MEF2C: variants seen among roughly 807,000 people sequenced by gnomAD.
The protein encoded by MEF2C is myocyte enhancer factor 2C.
In MEF2C, 6 loss-of-function variants were observed where a neutral mutation model predicts 50.5. The ratio of observed to expected loss-of-function variants is 0.12; its 90% CI spans 0.07 to 0.23. The LOEUF (loss-of-function observed/expected upper bound fraction) is 0.23, where lower values mean the gene tolerates loss of function less well. MEF2C is among the 10% of genes least tolerant of loss of function. The pLI, the probability that MEF2C is intolerant of heterozygous loss-of-function variation, is 1.00. For synonymous variants in MEF2C, 183 were observed against 228.0 expected, an observed-to-expected ratio of 0.80 and a Z score of 1.78; for missense variants, 276 against 605.0, an observed-to-expected ratio of 0.46 and a Z score of 5.70.
In MEF2C at chr5:88,731,968, C is replaced by T. The variant is rs938055482; in HGVS notation, c.638-67G>A. 10 of 1,399,866 alleles carry T rather than the reference C, an allele frequency of 7.1e-6. No homozygotes were observed. The Middle Eastern group carries it at 5.4e-4, about 76-fold the overall frequency. 86.7% of individuals were successfully genotyped at this position (1,399,866 alleles called of 1,614,324 possible). On this transcript the variant is annotated intron_variant, in intron 6 of 10. Coordinates refer to ENST00000504921, the MANE Select transcript of MEF2C (RefSeq NM_002397.5). ...GTCAAATACGTTTCCGAAGAATACA[C>T]AACATGAGAATAAAAACAAAAGCTT... is the stretch of plus-strand genomic sequence containing the variant.
At chr5:88,833,176 C>T (rs1038656258) in intron 1 of MEF2C, among the ~76,000 whole-genome samples, 1 of 152,058 alleles carries the variant, frequency 6.6e-6, no homozygotes, top group Non-Finnish European at 1.5e-5. Context: ...AACTGTATCC[C>T]TCTCAAGAGG....
intron 3 of MEF2C, among the ~76,000 whole-genome samples, chr5:88,763,859 C>G (rs148397994): frequency 6.6e-6 from 1 of 152,092 alleles, no homozygotes; most frequent in East Asian, 1.9e-4. Flanking sequence ...ATTATGTTGT[C>G]CAGGCTGCTC....
intron 1 of MEF2C, among the ~76,000 whole-genome samples, chr5:88,851,994 G>T (rs1821531592): frequency 6.6e-6 from 1 of 151,932 alleles, no homozygotes; most frequent in South Asian, 2.1e-4. Context: ...ATTTTTGTTT[G>T]CAACATTTCC....
intron 3 of MEF2C, among the ~76,000 whole-genome samples, chr5:88,795,390 T>G (rs1795594316): frequency 6.6e-6 from 1 of 152,196 alleles, no homozygotes; most frequent in African/African-American, 2.4e-5. Flanking sequence ...CTAGGTATTT[T>G]ATTATCTTTG....
intron 1 of MEF2C, among the ~76,000 whole-genome samples, chr5:88,896,619 TAAAG>T (rs1835145173): frequency 6.6e-6 from 1 of 152,128 alleles, no homozygotes. Flanking sequence ...AATCTTTAAA[TAAAG>T]AGTATCCATA....
intron 1 of MEF2C, among the ~76,000 whole-genome samples, chr5:88,861,166 C>T (rs1231347615): frequency 6.6e-6 from 1 of 152,218 alleles, no homozygotes. Flanking sequence ...TTGCTTCACC[C>T]TAGTGTTCAA....
chr5:88,823,417 G>A (rs577969438), intron 2 of MEF2C, among the ~76,000 whole-genome samples: 1 of 151,902 alleles, frequency 6.6e-6, no homozygotes, highest in South Asian at 2.1e-4. Flanking sequence ...TTGATGATGC[G>A]TGCAATGTAG....
chr5:88,819,160 A>G lies in MEF2C; in HGVS notation c.54+4575T>C, dbSNP rs144448978. Among the ~76,000 whole-genome samples, 109 of 152,028 alleles carry G rather than the reference A, an allele frequency of 7.2e-4. 1 individual carries two copies. The highest frequency in any genetic ancestry group is 3.4e-3 in the Middle Eastern group (1 of 294). On this transcript the variant is annotated intron_variant, in intron 2 of 10. Coordinates refer to ENST00000504921, the MANE Select transcript of MEF2C (RefSeq NM_002397.5). Reference sequence around the variant, plus strand: ...GAACGAAGTTTGTGTGTCTCTAAAAACTATGCCTCTTAGCCATTTGATTAT... The same window carrying G: ...GAACGAAGTTTGTGTGTCTCTAAAAGCTATGCCTCTTAGCCATTTGATTAT...
intron 3 of MEF2C, among the ~76,000 whole-genome samples, chr5:88,770,520 G>A (rs114879616): frequency 3.9e-5 from 6 of 152,124 alleles, no homozygotes; most frequent in Non-Finnish European, 7.4e-5. Flanking sequence ...ATTTCTACAG[G>A]ATTTCCCACG....
intron 1 of MEF2C, among the ~76,000 whole-genome samples, chr5:88,848,353 T>C (rs1820066527): frequency 6.6e-6 from 1 of 152,188 alleles, no homozygotes. Flanking sequence ...TTTCTAGTTA[T>C]GTAACATCTC....
At chr5:88,775,131 A>C (rs1330096599) in intron 3 of MEF2C, among the ~76,000 whole-genome samples, 2 of 152,248 alleles carry the variant, frequency 1.3e-5, no homozygotes, top group African/African-American at 4.8e-5. Context: ...AGCTAGTACC[A>C]GAAAAATAAT....
Position 88,752,156 on chromosome 5 carries a change from G to C in MEF2C, c.403-113C>G, listed in dbSNP as rs1053966750. On this transcript the variant is annotated intron_variant, in intron 4 of 10. Coordinates refer to ENST00000504921, the MANE Select transcript of MEF2C (RefSeq NM_002397.5). ...AAAATTCTACATTCCAAACTACTTT[G>C]TGTCTAGAAGACCATTAAGAAGAGC... is the stretch of plus-strand genomic sequence containing the variant. 9.7e-5 allele frequency: 91 copies of C among 936,924 alleles called. 1 individual carries two copies. The East Asian group carries it at 2.4e-3, about 25-fold the overall frequency. 58.0% of individuals were successfully genotyped at this position (936,924 alleles called of 1,614,324 possible).
intron 6 of MEF2C, chr5:88,743,402 T>C: frequency 1.6e-5 from 16 of 985,306 alleles, no homozygotes; most frequent in Non-Finnish European, 1.7e-5. Flanking sequence ...ATAAGTATTC[T>C]TGAAAACAAA....
At chr5:88,782,722 C>T (rs777924986) in intron 3 of MEF2C, among the ~76,000 whole-genome samples, 6 of 152,134 alleles carry the variant, frequency 3.9e-5, no homozygotes, top group African/African-American at 7.2e-5. Flanking sequence ...ACTTACAAAA[C>T]GTAAAATATT....
At chr5:88,785,279 T>TACACACACACACACAC (rs57929414) in intron 3 of MEF2C, 1 of 143,838 alleles carries the variant, frequency 7.0e-6, no homozygotes, top group Non-Finnish European at 1.5e-5. Context: ...AAAACTGGCA[T>TACACACACACACACAC]ACACACACAC....
chr5:88,739,546 A>G (rs1276076312), intron 6 of MEF2C: 13 of 983,976 alleles, frequency 1.3e-5, no homozygotes, highest in Non-Finnish European at 1.4e-5. Flanking sequence ...ATTACTTTAA[A>G]TTGTGTATCA....
intron 5 of MEF2C, among the ~76,000 whole-genome samples, chr5:88,749,722 T>C (rs1209980195): frequency 2.0e-5 from 3 of 152,210 alleles, no homozygotes; most frequent in African/African-American, 7.2e-5. Flanking sequence ...AATAAGGTAT[T>C]GAACATAAAA....
chr5:88,720,137 C>T lies in MEF2C; in HGVS notation c.*2467G>A, dbSNP rs947726833. ...AAATGTTTGCATATTTTATACACAT[C>T]AAGTTAGAAGGATGGGTTGTAAGGA... On this transcript the variant is annotated 3_prime_UTR_variant, in exon 11 of 11. Transcript: ENST00000504921. The T allele has an allele frequency of 2.0e-5, 3 of 152,020 alleles. No individual in the cohort carries two copies. The highest frequency in any genetic ancestry group is 7.2e-5 in the African/African-American group (3 of 41,390). The allele number at this position is 152,020 out of a possible 1,614,324, so 9.4% of individuals were successfully genotyped here.
intron 2 of MEF2C, among the ~76,000 whole-genome samples, chr5:88,810,586 T>C (rs758156642): frequency 6.6e-5 from 10 of 152,140 alleles, no homozygotes; most frequent in Non-Finnish European, 1.3e-4. Context: ...AGAATAAGCA[T>C]TTGGAAAAGT....
Sources: gnomAD v4.1 joint callset for allele counts (sites outside exome capture counted in the v4.1 genomes callset) on GRCh38, gnomAD v4.1.1 for gene constraint, MANE v1.5 for transcripts, NCBI Gene and HGNC (gene_info 2026-07-23, HGNC 2026-07-21) for gene names.